CES5A: variants seen among roughly 807,000 people sequenced by gnomAD.
The protein encoded by CES5A is carboxylesterase 5.
CES5A carries 67 observed loss-of-function variants against 62.9 expected under a neutral mutation model. That is an observed-to-expected ratio of 1.07 (90% CI 0.88 to 1.31). The LOEUF is 1.31. Ranked by LOEUF, CES5A falls within the 50% of genes most tolerant of loss-of-function variation. The pLI is 0.00. For missense variants in CES5A, 748 were observed against 708.5 expected (o/e 1.06, Z -0.63); for synonymous variants, 296 against 280.8 (o/e 1.05, Z -0.54).
At chr16:55,875,397 A>C (rs141011121), upstream of CES5A, 144 of 1,386,990 alleles carry the variant, frequency 1.0e-4, 1 homozygote, top group East Asian at 3.7e-3. Flanking sequence ...TTGACTAAGC[A>C]AGACTTTCCT....
At chr16:55,929,220 G>C (rs1440279595), upstream of CES5A, among the ~76,000 whole-genome samples, 1 of 152,196 alleles carries the variant, frequency 6.6e-6, no homozygotes, top group African/African-American at 2.4e-5. Context: ...AGGCATGGCC[G>C]AGTCAGACCA....
intron 1 of CES5A, among the ~76,000 whole-genome samples, chr16:55,924,180 A>G (rs532755849): frequency 9.9e-5 from 15 of 151,788 alleles, no homozygotes; most frequent in Non-Finnish European, 1.9e-4. Context: ...AAGAATACAC[A>G]CACAAAAAAA....
intron 1 of CES5A, among the ~76,000 whole-genome samples, chr16:55,920,802 T>C (rs1388773965): frequency 1.3e-5 from 2 of 152,114 alleles, no homozygotes; most frequent in African/African-American, 4.8e-5. Context: ...AACGAGATGG[T>C]GGTATGTTAT....
intron 1 of CES5A, 126 bp downstream of exon 1, chr16:55,875,023 A>T: frequency 2.1e-6 from 2 of 971,030 alleles, no homozygotes; most frequent in East Asian, 2.4e-5. Flanking sequence ...TACTGATGCC[A>T]TCAAAGTACT....
At chr16:55,865,861 G>A (rs529490052) in intron 5 of CES5A, 102 bp downstream of exon 5, 118 of 1,313,670 alleles carry the variant, frequency 9.0e-5, no homozygotes, top group Non-Finnish European at 1.2e-4. Context: ...GTATTAAAGG[G>A]TTTGTTCAAC....
At chr16:55,935,004 G>T (rs1241127714) in intron 2 of CES5A, among the ~76,000 whole-genome samples, 4 of 152,196 alleles carry the variant, frequency 2.6e-5, no homozygotes, top group Non-Finnish European at 5.9e-5. Context: ...GTACAGTGGT[G>T]TGATCTCAGC....
intron 2 of CES5A, among the ~76,000 whole-genome samples, chr16:55,942,890 A>G (rs6499807): frequency 0.31 from 47,018 of 152,066 alleles, 7,474 homozygotes; most frequent in Non-Finnish European, 0.33. Context: ...ATTACAGTGG[A>G]CAAAGGAAGC....
chr16:55,846,576 G>A lies in CES5A; in HGVS notation c.1603C>T (p.Arg535Trp), dbSNP rs1257988371. 2 of 1,614,158 alleles carry A rather than the reference G, an allele frequency of 1.2e-6. No individual in the cohort carries two copies. The highest frequency in any genetic ancestry group is 3.3e-5 in the Admixed American group (2 of 60,018). The change falls in exon 13 of 13, where the codon CGG (arginine) becomes TGG (tryptophan). Residue 535 changes from arginine (R) to tryptophan (W), a missense_variant. Arg to Trp is a moderately radical substitution (Grantham distance 101). Transcript: ENST00000290567. ...MSLGQRLKEP[R>W]VDFWTSTIPL... Reference sequence around the variant, plus strand: ...ATGGTGCTGGTCCAAAAATCCACCCGCGGTTCTTTGAGTCTCTGTCCGAGG... The same window carrying A: ...ATGGTGCTGGTCCAAAAATCCACCCACGGTTCTTTGAGTCTCTGTCCGAGG...
At chr16:55,905,931 C>T (rs1426815755) in intron 1 of CES5A, among the ~76,000 whole-genome samples, 2 of 152,064 alleles carry the variant, frequency 1.3e-5, no homozygotes, top group East Asian at 3.9e-4. Context: ...TTAGACAAGC[C>T]ATGTCATTTG....
rs1207735116 is a variant in CES5A, at chr16:55,881,174, AC to A, written c.-255-7138del. Among the ~76,000 whole-genome samples the A allele has an allele frequency of 5.3e-5, 8 of 152,260 alleles. No homozygotes were observed. In the East Asian group the frequency reaches 1.5e-3, roughly 29 times the overall value. On this transcript the variant is annotated intron_variant, in intron 1 of 12. Coordinates refer to the CES5A transcript ENST00000518005. The stretch of plus-strand genomic sequence containing the variant: ...CTTGTACTCTGGTAACAATGCATAG[AC>A]TTGACCTGTGATAGATGCTTCCCAA...
At chr16:55,922,311 C>A (rs2034213286) in intron 1 of CES5A, among the ~76,000 whole-genome samples, 1 of 151,818 alleles carries the variant, frequency 6.6e-6, no homozygotes, top group South Asian at 2.1e-4. Context: ...CCCACCTTAC[C>A]TATAAAGACA....
chr16:55,852,897 T>C lies in CES5A; in HGVS notation c.1257A>G (p.Thr419=). 1.2e-6 allele frequency: 2 copies of C among 1,613,698 alleles called. No individual in the cohort carries two copies. Among genetic ancestry groups the C allele is most frequent in the African/African-American group, 1.3e-5 (1 of 75,066 alleles). ...GATACTCACCTCTGTGATATCGAGC[T>C]GTGATCAGTGCAGGGACCACAAAGA... The part of the protein sequence containing the change: ...DVFFVVPALI[T]ARYHRDAGAP... The change falls in exon 10 of 13, where the codon ACA becomes ACG. Residue 419 remains threonine, a synonymous_variant. Transcript: ENST00000290567.
intron 1 of CES5A, among the ~76,000 whole-genome samples, chr16:55,880,515 C>T (rs2033750783): frequency 1.3e-5 from 2 of 152,154 alleles, no homozygotes; most frequent in Non-Finnish European, 2.9e-5. Context: ...ACCCAAATCC[C>T]TGCCTCAGGC....
At position 55,852,862 on chromosome 16, in the gene CES5A, G is replaced by A. The variant is rs768534455; in HGVS notation, c.1273+19C>T. 3.1e-4 allele frequency: 503 copies of A among 1,606,460 alleles called. 2 individuals are homozygous for A. Among genetic ancestry groups the A allele is most frequent in the Non-Finnish European group, 4.2e-4 (488 of 1,175,552 alleles). On this transcript the variant is annotated intron_variant, in intron 10 of 12. Transcript: ENST00000290567. ...CCTCACTGGGCTATGGTCCTGGAGC[G>A]GGATGCTCAGATACTCACCTCTGTG... is the stretch of plus-strand genomic sequence containing the variant.
chr16:55,949,959 A>G lies in CES5A; in HGVS notation c.43-57T>C, dbSNP rs544298182. Reference sequence around the variant, plus strand: ...CATTGATGATAACAATAATATAAATAAAATATAATATAACCAATACAGCAT... The same window carrying G: ...CATTGATGATAACAATAATATAAATGAAATATAATATAACCAATACAGCAT... On this transcript the variant is annotated intron_variant, in intron 1 of 13. Coordinates refer to the CES5A transcript ENST00000521992. The G allele has an allele frequency of 1.3e-4, 98 of 750,580 alleles. 5 individuals carry two copies. In the Admixed American group the frequency reaches 2.9e-3, roughly 22 times the overall value. The allele number at this position is 750,580 out of a possible 1,614,324, so 46.5% of individuals were successfully genotyped here. A position where few individuals can be genotyped will look rare whatever the true frequency, so the allele number is the denominator to read the frequency against.
At chr16:55,925,969 G>T (rs1237251501), upstream of CES5A, among the ~76,000 whole-genome samples, 1 of 152,082 alleles carries the variant, frequency 6.6e-6, no homozygotes, top group African/African-American at 2.4e-5. Flanking sequence ...ACAGGTAAGG[G>T]TAGAGAGGAG....
intron 1 of CES5A, among the ~76,000 whole-genome samples, chr16:55,953,447 AAAC>A (rs1464566362): frequency 6.6e-6 from 1 of 152,230 alleles, no homozygotes; most frequent in Non-Finnish European, 1.5e-5. Context: ...AATGTGAGTT[AAAC>A]AAGTTGACTA....
At position 55,858,337 on chromosome 16, in the gene CES5A, A is replaced by G. The variant is rs1433188104; in HGVS notation, c.1056+1210T>C. Among the ~76,000 whole-genome samples the G allele has an allele frequency of 2.0e-5, 3 of 152,222 alleles. 1 individual carries two copies. The highest frequency in any genetic ancestry group is 4.1e-4 in the South Asian group (2 of 4,828). Reference sequence around the variant, plus strand: ...GAGCCTCAGTTTCTTTAAAATAGGGAAAATCATGCCTGTTTTCAAGTTGTT... The same window carrying G: ...GAGCCTCAGTTTCTTTAAAATAGGGGAAATCATGCCTGTTTTCAAGTTGTT... On this transcript the variant is annotated intron_variant, in intron 8 of 12. Coordinates refer to ENST00000290567, the MANE Select transcript of CES5A (RefSeq NM_001143685.2).
upstream of CES5A, among the ~76,000 whole-genome samples, chr16:55,927,200 C>T (rs1211201475): frequency 1.3e-5 from 2 of 152,078 alleles, no homozygotes; most frequent in African/African-American, 4.8e-5. Context: ...TGGACATTGA[C>T]CCAGGCAAAG....
Sources: allele counts gnomAD v4.1 joint callset (sites outside exome capture counted in the v4.1 genomes callset), GRCh38; gene constraint gnomAD v4.1.1; transcripts MANE v1.5; gene names NCBI Gene and HGNC (gene_info 2026-07-23, HGNC 2026-07-21).